Variants in STK3 observed in about 807,000 individuals in gnomAD.
STK3 encodes the protein serine/threonine-protein kinase 3.
Under a neutral mutation model 58.0 loss-of-function variants are expected in STK3, and 41 were observed. The ratio of observed to expected loss-of-function variants is 0.71; its 90% CI spans 0.55 to 0.92. STK3 has a LOEUF of 0.92. STK3 is among the 40% of genes least tolerant of loss of function. STK3 has a pLI of 0.00. For missense variants in STK3, 479 were observed against 602.7 expected, an observed-to-expected ratio of 0.79 and a Z score of 2.15; for synonymous variants, 170 against 191.0, an observed-to-expected ratio of 0.89 and a Z score of 0.91.
intron 6 of STK3, among the ~76,000 whole-genome samples, chr8:98,662,017 C>G (rs780363655): frequency 6.6e-6 from 1 of 152,056 alleles, no homozygotes; most frequent in Non-Finnish European, 1.5e-5. Flanking sequence ...GCTTCTTAAG[C>G]ATAAAGATTG....
rs149914216 is a variant in STK3 at position 98,766,004 on chromosome 8, G to A, written c.236+1239C>T. On this transcript the variant is annotated intron_variant, in intron 3 of 10. Transcript: ENST00000419617. ...CCAATAATTCTAAATCTTGTCAGAT[G>A]AGCACACCCCAATGAGTTGTTTTTA... 8.6e-3 allele frequency among the ~76,000 whole-genome samples: 1,302 copies of A among 152,194 alleles called. 11 individuals carry two copies. The highest frequency in any genetic ancestry group is 0.03 in the African/African-American group (1,225 of 41,502).
chr8:98,466,541 T>A (rs1208276897), intron 10 of STK3, among the ~76,000 whole-genome samples: 1 of 152,184 alleles, frequency 6.6e-6, no homozygotes, highest in Non-Finnish European at 1.5e-5. Context: ...GGAAGGATGA[T>A]GTCTATATCT....
At chr8:98,729,020 T>C (rs1220161697) in intron 4 of STK3, among the ~76,000 whole-genome samples, 2 of 152,216 alleles carry the variant, frequency 1.3e-5, no homozygotes, top group African/African-American at 4.8e-5. Flanking sequence ...ATGCAAGGTA[T>C]TGATTCTAAG....
At chr8:98,657,949 G>A (rs577568161) in intron 6 of STK3, among the ~76,000 whole-genome samples, 1 of 151,870 alleles carries the variant, frequency 6.6e-6, no homozygotes, top group Non-Finnish European at 1.5e-5. Flanking sequence ...AATCTATTGT[G>A]TCCATTTAAT....
intron 3 of STK3, chr8:98,427,903 G>T (rs1416674114): frequency 7.8e-6 from 10 of 1,285,856 alleles, no homozygotes; most frequent in Admixed American, 2.9e-5. Context: ...CAGGGCGCAC[G>T]GCGCTCTCGC....
chr8:98,850,894 G>T (rs567258916), intron 3 of STK3, among the ~76,000 whole-genome samples: 1 of 152,140 alleles, frequency 6.6e-6, no homozygotes, highest in African/African-American at 2.4e-5. Context: ...CAAGAAGATT[G>T]TCCAAGAGAT....
chr8:98,754,319 A>T (rs1223961307), intron 3 of STK3, among the ~76,000 whole-genome samples: 1 of 152,096 alleles, frequency 6.6e-6, no homozygotes, highest in African/African-American at 2.4e-5. Flanking sequence ...AAACTTTTAT[A>T]GGGAGTAGCG....
At position 98,839,002 on chromosome 8, in the gene STK3, G is replaced by C. The variant is rs866937923; in HGVS notation, c.110+44645C>G. Among the ~76,000 whole-genome samples the C allele has an allele frequency of 2.0e-5, 3 of 151,636 alleles. No individual in the cohort carries two copies. In the South Asian group the frequency reaches 6.3e-4, roughly 32 times the overall value. On this transcript the variant is annotated intron_variant, in intron 3 of 12. Coordinates refer to the STK3 transcript ENST00000523601. ...GTTTGTTTGTTTTGTGTGTGTGTGTGTGTGTGTGTGTGTGTGCGCTTGTGG... is the reference window on the plus strand; with the variant it reads ...GTTTGTTTGTTTTGTGTGTGTGTGTCTGTGTGTGTGTGTGTGCGCTTGTGG...
At chr8:98,859,860 G>A (rs1671646280) in intron 3 of STK3, among the ~76,000 whole-genome samples, 1 of 152,186 alleles carries the variant, frequency 6.6e-6, no homozygotes, top group African/African-American at 2.4e-5. Flanking sequence ...CAACGTGAAA[G>A]GCACTCTGCT....
chr8:98,735,366 C>T (rs917177735), intron 4 of STK3, among the ~76,000 whole-genome samples: 2 of 152,084 alleles, frequency 1.3e-5, no homozygotes, highest in Non-Finnish European at 2.9e-5. Flanking sequence ...ATATAGGATA[C>T]CATGACTGGG....
At chr8:98,940,524 C>T (rs1037448581) in intron 1 of STK3, among the ~76,000 whole-genome samples, 1 of 152,200 alleles carries the variant, frequency 6.6e-6, no homozygotes, top group Non-Finnish European at 1.5e-5. Context: ...GTGCCTGCGG[C>T]TGGCTGGCCC....
chr8:98,426,201 C>A (rs1818230530), intron 3 of STK3, among the ~76,000 whole-genome samples: 1 of 152,180 alleles, frequency 6.6e-6, no homozygotes, highest in South Asian at 2.1e-4. Context: ...CCGTCACAGT[C>A]CCAAGAGTAC....
intron 8 of STK3, among the ~76,000 whole-genome samples, chr8:98,564,162 C>G (rs950384801): frequency 3.3e-5 from 5 of 151,936 alleles, no homozygotes; most frequent in African/African-American, 1.2e-4. Context: ...AACCAATAAG[C>G]CTCGTCTCAT....
At chr8:98,886,075 C>T (rs1837978204) in intron 1 of STK3, among the ~76,000 whole-genome samples, 1 of 152,158 alleles carries the variant, frequency 6.6e-6, no homozygotes, top group Admixed American at 6.5e-5. Flanking sequence ...AAAGGCATGA[C>T]TATAAGGTAG....
intron 6 of STK3, among the ~76,000 whole-genome samples, chr8:98,606,524 G>T (rs1816787421): frequency 6.6e-6 from 1 of 152,146 alleles, no homozygotes; most frequent in Non-Finnish European, 1.5e-5. Context: ...ATACAGGATG[G>T]TCAGCAGAAA....
At chr8:98,527,462 T>A (rs1172333728) in intron 9 of STK3, among the ~76,000 whole-genome samples, 3 of 151,696 alleles carry the variant, frequency 2.0e-5, no homozygotes, top group Non-Finnish European at 4.4e-5. Context: ...CTATAAAAAA[T>A]ACAAAAAATT....
At chr8:98,379,295 A>G (rs1373520115) in intron 1 of STK3, 1 of 152,278 alleles carries the variant, frequency 6.6e-6, no homozygotes, top group African/African-American at 2.4e-5. Context: ...CTGTTTGCTT[A>G]AGTGCCCTAA....
At chr8:98,547,934 A>G in intron 9 of STK3, 35 bp downstream of exon 9, 1 of 1,482,514 alleles carries the variant, frequency 6.7e-7, no homozygotes, top group Non-Finnish European at 9.0e-7. Flanking sequence ...CTTTCGAATT[A>G]GAAAACTAAT....
chr8:98,451,892 A>C (rs548387539), downstream of STK3, among the ~76,000 whole-genome samples: 3 of 122,864 alleles, frequency 2.4e-5, no homozygotes, highest in South Asian at 6.9e-4. Context: ...GGCCAAAAAA[A>C]AAAAAACAAA....
Sources: gnomAD v4.1 joint callset for allele counts (sites outside exome capture counted in the v4.1 genomes callset) on GRCh38, gnomAD v4.1.1 for gene constraint, MANE v1.5 for transcripts, NCBI Gene and HGNC (gene_info 2026-07-23, HGNC 2026-07-21) for gene names.